TBC1D5: variants seen among roughly 807,000 people sequenced by gnomAD.
TBC1D5 encodes the protein TBC1 domain family, member 5.
A neutral mutation model predicts 100.3 loss-of-function variants in TBC1D5; 75 were observed. That is an observed-to-expected ratio of 0.75 (90% CI 0.62 to 0.91). TBC1D5 has a LOEUF of 0.91. TBC1D5 is among the 40% of genes least tolerant of loss of function. TBC1D5 has a pLI of 0.00. For synonymous variants in TBC1D5, 323 were observed against 325.6 expected, an observed-to-expected ratio of 0.99 and a Z score of 0.09; for missense variants, 910 against 942.4, an observed-to-expected ratio of 0.97 and a Z score of 0.45.
chr3:17,689,963 C>T (rs1339009036), intron 1 of TBC1D5, among the ~76,000 whole-genome samples: 2 of 151,236 alleles, frequency 1.3e-5, no homozygotes, highest in African/African-American at 2.4e-5. Flanking sequence ...CCAGTATGAG[C>T]GAAAAAGAAG....
chr3:17,294,195 CATTTATTT>C (rs35808278), intron 14 of TBC1D5, among the ~76,000 whole-genome samples: 18 of 150,592 alleles, frequency 1.2e-4, no homozygotes, highest in South Asian at 4.2e-4. Flanking sequence ...ATTGACTAAT[CATTTATTT>C]ATTTATTTAT....
chr3:17,687,140 T>C (rs1233896104), intron 1 of TBC1D5, among the ~76,000 whole-genome samples: 1 of 152,176 alleles, frequency 6.6e-6, no homozygotes, highest in Non-Finnish European at 1.5e-5. Flanking sequence ...AAAAACTATC[T>C]TATTTTTTCA....
intron 1 of TBC1D5, among the ~76,000 whole-genome samples, chr3:17,709,015 CTTT>C (rs1026122940): frequency 6.6e-6 from 1 of 152,154 alleles, no homozygotes; most frequent in Non-Finnish European, 1.5e-5. Flanking sequence ...TTTCCTTCTT[CTTT>C]GCCTTTGTTC....
intron 4 of TBC1D5, among the ~76,000 whole-genome samples, chr3:17,413,152 T>C (rs1267989860): frequency 6.6e-6 from 1 of 152,176 alleles, no homozygotes; most frequent in Non-Finnish European, 1.5e-5. Context: ...ATCTTGCAGA[T>C]ACTTGGTCCC....
chr3:17,682,039 T>TA (rs1268816949), intron 1 of TBC1D5, among the ~76,000 whole-genome samples: 1 of 151,494 alleles, frequency 6.6e-6, no homozygotes, highest in East Asian at 1.9e-4. Flanking sequence ...AAACCATCCC[T>TA]ACCCTTCCCC....
At chr3:17,691,599 A>G (rs530065847) in intron 1 of TBC1D5, among the ~76,000 whole-genome samples, 96 of 152,292 alleles carry the variant, frequency 6.3e-4, no homozygotes, top group African/African-American at 2.2e-3. Context: ...CGGGTGGATC[A>G]TGAGGTCAAG....
chr3:17,256,962 G>T (rs1394572495), intron 16 of TBC1D5, among the ~76,000 whole-genome samples: 1 of 152,110 alleles, frequency 6.6e-6, no homozygotes, highest in African/African-American at 2.4e-5. Context: ...CCCTAAGCAA[G>T]GGCAAATAAC....
intron 15 of TBC1D5, among the ~76,000 whole-genome samples, chr3:17,266,694 A>G (rs1003291118): frequency 1.3e-5 from 2 of 152,188 alleles, no homozygotes; most frequent in Non-Finnish European, 2.9e-5. Context: ...TCATTAAAAA[A>G]GAATATAAAT....
In TBC1D5 at chr3:17,423,679, A is replaced by C. The variant is rs2094271443; in HGVS notation, c.167+4771T>G. Among the ~76,000 whole-genome samples the C allele has an allele frequency of 2.0e-5, 3 of 149,436 alleles. No individual in the cohort carries two copies. In the South Asian group the frequency reaches 6.3e-4, roughly 31 times the overall value. Reference sequence around the variant, plus strand: ...GAGTACAGCTCTGGAAAATATAAATAATGTCATGTGAAATTAAGTTGGAAA... The same window carrying C: ...GAGTACAGCTCTGGAAAATATAAATCATGTCATGTGAAATTAAGTTGGAAA... On this transcript the variant is annotated intron_variant, in intron 4 of 21. Coordinates refer to ENST00000253692, the Ensembl canonical transcript of TBC1D5.
intron 16 of TBC1D5, among the ~76,000 whole-genome samples, chr3:17,252,340 A>G (rs1318655567): frequency 6.6e-6 from 1 of 152,214 alleles, no homozygotes; most frequent in Non-Finnish European, 1.5e-5. Context: ...CAGATCAGAA[A>G]TAACATTCTC....
At chr3:17,479,896 C>A (rs1336974718) in intron 3 of TBC1D5, among the ~76,000 whole-genome samples, 3 of 152,000 alleles carry the variant, frequency 2.0e-5, no homozygotes, top group Admixed American at 2.0e-4. Context: ...ATCAAGTAGG[C>A]AGGGCTGGAG....
At chr3:17,323,390 A>G (rs192072992) in intron 13 of TBC1D5, among the ~76,000 whole-genome samples, 5 of 152,192 alleles carry the variant, frequency 3.3e-5, no homozygotes, top group Admixed American at 3.3e-4. Flanking sequence ...TTCAAACCAT[A>G]TATAATAGGC....
At chr3:17,441,599 A>T (rs1165321066) in intron 3 of TBC1D5, among the ~76,000 whole-genome samples, 1 of 152,194 alleles carries the variant, frequency 6.6e-6, no homozygotes, top group African/African-American at 2.4e-5. Context: ...ACAGGATAAG[A>T]AGTGACCATA....
At chr3:17,380,598 C>A (rs1462234609) in intron 9 of TBC1D5, among the ~76,000 whole-genome samples, 2 of 152,038 alleles carry the variant, frequency 1.3e-5, no homozygotes, top group East Asian at 3.9e-4. Flanking sequence ...AGCATTTCTG[C>A]CTGCTTAAAA....
intron 2 of TBC1D5, among the ~76,000 whole-genome samples, chr3:17,583,881 G>A (rs2096716142): frequency 6.6e-6 from 1 of 152,142 alleles, no homozygotes; most frequent in South Asian, 2.1e-4. Flanking sequence ...ACAGAGAATA[G>A]GTACTCAAAC....
At chr3:17,393,050 T>C (rs2093400113) in intron 8 of TBC1D5, among the ~76,000 whole-genome samples, 1 of 152,138 alleles carries the variant, frequency 6.6e-6, no homozygotes, top group South Asian at 2.1e-4. Context: ...ATCACCATTC[T>C]AACTGGTGTG....
intron 2 of TBC1D5, among the ~76,000 whole-genome samples, chr3:17,530,342 G>A (rs1285413542): frequency 6.6e-6 from 1 of 151,962 alleles, no homozygotes; most frequent in African/African-American, 2.4e-5. Context: ...AAATATCGAT[G>A]GGGGGTTGGG....
intron 3 of TBC1D5, among the ~76,000 whole-genome samples, chr3:17,453,527 A>G (rs2094978080): frequency 6.6e-6 from 1 of 152,184 alleles, no homozygotes; most frequent in South Asian, 2.1e-4. Flanking sequence ...ATGAACAACT[A>G]TAAGACAATA....
chr3:17,366,757 TA>T (rs1210781387), intron 13 of TBC1D5, among the ~76,000 whole-genome samples: 7 of 151,420 alleles, frequency 4.6e-5, no homozygotes, highest in East Asian at 1.9e-4. Flanking sequence ...AAATATAGGT[TA>T]AAAAAAAACT....
Sources: allele counts gnomAD v4.1 joint callset (sites outside exome capture counted in the v4.1 genomes callset), GRCh38; gene constraint gnomAD v4.1.1; transcripts MANE v1.5; gene names NCBI Gene and HGNC (gene_info 2026-07-23, HGNC 2026-07-21).